FAM83A: variants seen among roughly 807,000 people sequenced by gnomAD.
FAM83A encodes the protein scaffolding CK1 anchoring protein A.
FAM83A carries 21 observed loss-of-function variants against 24.4 expected under a neutral mutation model. The observed-to-expected ratio is 0.86, with a 90% CI of 0.61 to 1.24. The LOEUF (loss-of-function observed/expected upper bound fraction) is 1.24, where lower values mean the gene tolerates loss of function less well. FAM83A is among the 50% of genes most tolerant of loss of function. The probability of loss-of-function intolerance (pLI) is 0.00; values close to 1 mark genes in which losing one functional copy is unlikely to be tolerated. For synonymous variants in FAM83A, 270 were observed against 252.4 expected (o/e 1.07, Z -0.66); for missense variants, 617 against 579.8 (o/e 1.06, Z -0.66).
intron 1 of FAM83A, among the ~76,000 whole-genome samples, chr8:123,188,300 C>T (rs529361664): frequency 7.9e-5 from 12 of 152,144 alleles, no homozygotes; most frequent in Non-Finnish European, 1.8e-4. Context: ...CATGTATCAT[C>T]GGATTTAGAG....
chr8:123,192,695 G>C lies in FAM83A; in HGVS notation c.648+725G>C, dbSNP rs902328151. ...TTCTGTCCTCTGGGAGAACCTCCCAGATAAGAATGAAGCCTCCTCCCTCCC... is the reference window on the plus strand; with the variant it reads ...TTCTGTCCTCTGGGAGAACCTCCCACATAAGAATGAAGCCTCCTCCCTCCC... On this transcript the variant is annotated intron_variant, in intron 2 of 3. Coordinates refer to ENST00000690554, the Ensembl canonical transcript of FAM83A. Among the ~76,000 whole-genome samples the C allele has an allele frequency of 6.6e-5, 10 of 152,128 alleles. 1 individual carries two copies. Among genetic ancestry groups the C allele is most frequent in the Middle Eastern group, 6.3e-3 (2 of 316 alleles).
chr8:123,184,775 G>C (rs1357415947), intron 1 of FAM83A, among the ~76,000 whole-genome samples: 1 of 152,204 alleles, frequency 6.6e-6, no homozygotes, highest in Admixed American at 6.5e-5. Context: ...TTCATCATCT[G>C]TAAAATCCTC....
At chr8:123,179,153 T>G (rs981946288), upstream of FAM83A, 8 of 152,208 alleles carry the variant, frequency 5.3e-5, no homozygotes. Flanking sequence ...GACTTCTCTT[T>G]GATCACTGCT....
At chr8:123,185,580 C>T (rs575029728) in intron 1 of FAM83A, among the ~76,000 whole-genome samples, 1 of 152,184 alleles carries the variant, frequency 6.6e-6, no homozygotes, top group Non-Finnish European at 1.5e-5. Flanking sequence ...ACTTCCAGCT[C>T]CTCTTAGCAG....
exon 4 of FAM83A, chr8:123,207,947 A>C: frequency 1.6e-6 from 2 of 1,228,420 alleles, no homozygotes; most frequent in East Asian, 3.3e-5. Context: ...AGAGGACAAA[A>C]TCATGAAAAC....
chr8:123,190,720 G>A (rs1823947337), intron 1 of FAM83A, among the ~76,000 whole-genome samples: 1 of 152,134 alleles, frequency 6.6e-6, no homozygotes, highest in African/African-American at 2.4e-5. Flanking sequence ...GAAAAGTCAA[G>A]GGTGGCACTG....
intron 3 of FAM83A, among the ~76,000 whole-genome samples, chr8:123,196,396 T>C (rs948355044): frequency 1.3e-5 from 2 of 152,250 alleles, no homozygotes; most frequent in African/African-American, 4.8e-5. Context: ...TGCTGATGTA[T>C]TTGGATTTAT....
intron 1 of FAM83A, among the ~76,000 whole-genome samples, chr8:123,189,592 T>C (rs2131070367): frequency 6.6e-6 from 1 of 152,340 alleles, no homozygotes; most frequent in East Asian, 1.9e-4. Flanking sequence ...CTCACTGAGA[T>C]AGATGCATAT....
intron 1 of FAM83A, among the ~76,000 whole-genome samples, chr8:123,188,240 C>T (rs1051899278): frequency 1.3e-5 from 2 of 151,950 alleles, no homozygotes; most frequent in South Asian, 2.1e-4. Flanking sequence ...CTTCACACGA[C>T]GGCTTTCTCC....
chr8:123,191,274 C>T (rs7003842), intron 1 of FAM83A, among the ~76,000 whole-genome samples: 26,886 of 152,130 alleles, frequency 0.18, 2,606 homozygotes, highest in Admixed American at 0.24. Context: ...GTGGGTAGAG[C>T]GTGACTCCCT....
upstream of FAM83A, chr8:123,182,531 G>C (rs934444569): frequency 1.9e-6 from 1 of 533,036 alleles, no homozygotes; most frequent in Admixed American, 2.2e-5. Context: ...GCTCACCTTC[G>C]CCTCCCCCTG....
chr8:123,187,591 C>T (rs1306188373), intron 1 of FAM83A, among the ~76,000 whole-genome samples: 1 of 152,126 alleles, frequency 6.6e-6, no homozygotes, highest in East Asian at 1.9e-4. Context: ...TTTAAAATAA[C>T]TATTAATAGT....
At chr8:123,183,362 CG>C (rs1823681680) in intron 1 of FAM83A, 26 bp downstream of exon 1, 1 of 1,592,646 alleles carries the variant, frequency 6.3e-7, no homozygotes, top group African/African-American at 1.3e-5. Context: ...CCCCTGTCTC[CG>C]TGGCCAAGTA....
chr8:123,202,537 G>T (rs573351941), intron 3 of FAM83A: 1 of 152,848 alleles, frequency 6.5e-6, no homozygotes, highest in African/African-American at 2.4e-5. Flanking sequence ...GGACTGGACT[G>T]GGTATGTTTT....
In FAM83A at chr8:123,209,263, A is replaced by G. The variant is rs1471562822; in HGVS notation, c.*1575A>G. 7.8e-7 allele frequency: 1 copy of G among 1,285,054 alleles called. No homozygotes were observed. The highest frequency in any genetic ancestry group is 9.8e-7 in the Non-Finnish European group (1 of 1,023,676). The allele number at this position is 1,285,054 out of a possible 1,614,324, so 79.6% of individuals were successfully genotyped here. ...TCCTCCTGGTGGCCTCTGACCCCTG[A>G]CGGCCTGTGGCATCCTCCCTAGTCC... On this transcript the variant is annotated 3_prime_UTR_variant, in exon 4 of 4. Transcript: ENST00000690554. The surrounding 1 kb of genome is among the most constrained non-coding windows in gnomAD (Gnocchi z 4.7).
intron 3 of FAM83A, among the ~76,000 whole-genome samples, chr8:123,197,069 C>T (rs533784799): frequency 6.6e-6 from 1 of 151,832 alleles, no homozygotes; most frequent in Admixed American, 6.6e-5. Flanking sequence ...TGAGCTGTCT[C>T]TGAGTCTGGT....
intron 3 of FAM83A, among the ~76,000 whole-genome samples, chr8:123,194,762 C>T (rs1056147427): frequency 1.3e-5 from 2 of 152,174 alleles, no homozygotes; most frequent in Non-Finnish European, 2.9e-5. Flanking sequence ...AGATTAGAGG[C>T]GTGAGCCACT....
intron 1 of FAM83A, 146 bp from the exon 2 acceptor site, chr8:123,191,657 A>C: frequency 1.3e-6 from 1 of 795,880 alleles, no homozygotes. Context: ...AATCCTGCCC[A>C]GTCAGACCCA....
At chr8:123,182,289 C>T (rs1823620718), upstream of FAM83A, 1 of 366,262 alleles carries the variant, frequency 2.7e-6, no homozygotes, top group Non-Finnish European at 5.5e-6. Context: ...TGGCCCGTGT[C>T]CAGCTCCCTC....
Sources: allele counts gnomAD v4.1 joint callset (sites outside exome capture counted in the v4.1 genomes callset), GRCh38; gene constraint gnomAD v4.1.1; non-coding constraint Gnocchi (gnomAD v3.1); transcripts MANE v1.5; gene names NCBI Gene and HGNC (gene_info 2026-07-23, HGNC 2026-07-21).